The following VIT variants were observed in gnomAD, a reference collection of about 807,000 sequenced individuals.
VIT encodes the protein vitrin.
A neutral mutation model predicts 78.0 loss-of-function variants in VIT; 99 were observed. That is an observed-to-expected ratio of 1.27 (90% CI 1.08 to 1.50). The LOEUF is 1.50. VIT is among the 40% of genes most tolerant of loss of function. The pLI, the probability that VIT is intolerant of heterozygous loss-of-function variation, is 0.00. For missense variants in VIT, 1,126 were observed against 875.3 expected (o/e 1.29, Z -3.61); for synonymous variants, 374 against 334.3 (o/e 1.12, Z -1.29).
At chr2:36,783,290 A>G (rs1664881940) in intron 10 of VIT, 50 bp from the exon 11 acceptor site, 1 of 1,601,516 alleles carries the variant, frequency 6.2e-7, no homozygotes, top group Non-Finnish European at 8.5e-7. Context: ...GGGTAAGGCC[A>G]GCTGCTTCCT....
chr2:36,711,998 G>C (rs10197992), intron 1 of VIT, among the ~76,000 whole-genome samples: 17,944 of 152,142 alleles, frequency 0.12, 1,528 homozygotes, highest in South Asian at 0.26. Flanking sequence ...TTCAGTTTTT[G>C]TTAGAACCCG....
chr2:36,808,977 A>G lies in VIT; in HGVS notation c.1895A>G (p.His632Arg), dbSNP rs138693084. The change falls in exon 15 of 16, where the codon CAT (histidine) becomes CGT (arginine). Residue 632 changes from histidine (H) to arginine (R), a missense_variant. Coordinates refer to ENST00000379242, the MANE Select transcript of VIT (RefSeq NM_053276.4). ...DDVRIPAMAA[H>R]LKGVITYAIG... is the part of the protein sequence containing the mutation. ...GTCCGGATCCCAGCCATGGCTGCCCATCTGAAGGGTAAGCTGGGCTTGCCA... is the reference window on the plus strand; with the variant it reads ...GTCCGGATCCCAGCCATGGCTGCCCGTCTGAAGGGTAAGCTGGGCTTGCCA... 13 of 1,582,556 alleles carry G rather than the reference A, an allele frequency of 8.2e-6. No individual in the cohort carries two copies. In the African/African-American group the frequency reaches 1.5e-4, roughly 18 times the overall value.
intron 1 of VIT, among the ~76,000 whole-genome samples, chr2:36,705,620 C>A (rs940094892): frequency 6.6e-6 from 1 of 152,212 alleles, no homozygotes; most frequent in Middle Eastern, 3.2e-3. Flanking sequence ...CCCCACCCAA[C>A]TGCCCATGAG....
In VIT at chr2:36,814,623, C is replaced by A; in HGVS notation, c.*262C>A. The A allele has an allele frequency of 2.3e-6, 1 of 441,812 alleles. No homozygotes were observed. The highest frequency in any genetic ancestry group is 4.5e-5 in the South Asian group (1 of 22,240). 27.4% of individuals were successfully genotyped at this position (441,812 alleles called of 1,614,324 possible). Reference sequence around the variant, plus strand: ...GATTTTACATTTTGACAATTGTTTTCAAAATAAATGTTCGGAATACAGTGC... The same window carrying A: ...GATTTTACATTTTGACAATTGTTTTAAAAATAAATGTTCGGAATACAGTGC... On this transcript the variant is annotated 3_prime_UTR_variant, in exon 16 of 16. Transcript: ENST00000379242.
chr2:36,740,302 G>A (rs13411239), intron 3 of VIT, among the ~76,000 whole-genome samples: 23,451 of 152,132 alleles, frequency 0.15, 1,941 homozygotes, highest in South Asian at 0.26. Flanking sequence ...AGATTCTTTG[G>A]CTGTTACAAG....
At chr2:36,773,960 A>C in intron 8 of VIT, 113 bp downstream of exon 8, 1 of 1,068,082 alleles carries the variant, frequency 9.4e-7, no homozygotes, top group Non-Finnish European at 1.3e-6. Context: ...CTATTAAACC[A>C]CTTAGGCCAA....
At chr2:36,752,450 G>A (rs1281818728) in intron 4 of VIT, among the ~76,000 whole-genome samples, 1 of 152,180 alleles carries the variant, frequency 6.6e-6, no homozygotes, top group East Asian at 1.9e-4. Flanking sequence ...GGGAGGAGGT[G>A]AACATCAAGG....
intron 4 of VIT, among the ~76,000 whole-genome samples, chr2:36,749,014 A>G (rs965213808): frequency 1.3e-5 from 2 of 152,192 alleles, no homozygotes; most frequent in African/African-American, 2.4e-5. Flanking sequence ...TGGAGGGATG[A>G]CTTGGAAGTC....
chr2:36,715,966 T>C (rs1480798708), intron 1 of VIT, among the ~76,000 whole-genome samples: 1 of 152,244 alleles, frequency 6.6e-6, no homozygotes, highest in Non-Finnish European at 1.5e-5. Context: ...TAAATATTTA[T>C]CGAATGAATA....
rs1302575854 is a variant in VIT at position 36,801,775 on chromosome 2, G to GAA, written c.1162+386_1162+387dup. On this transcript the variant is annotated intron_variant, in intron 13 of 15. Transcript: ENST00000379242. ...TGGGTGGCAGAGCGAGACTCCATCTGAAAAAAAAAAAAAAAAGGACAAAGA... is the reference window on the plus strand; with the variant it reads ...TGGGTGGCAGAGCGAGACTCCATCTGAAAAAAAAAAAAAAAAAAGGACAAAGA... Among the ~76,000 whole-genome samples the GAA allele has an allele frequency of 1.4e-3, 205 of 141,728 alleles. 2 individuals carry two copies. The highest frequency in any genetic ancestry group is 3.7e-3 in the Admixed American group (53 of 14,372). 93.0% of individuals were successfully genotyped at this position (141,728 alleles called of 152,430 possible).
chr2:36,805,804 T>A (rs542418992), intron 14 of VIT, 140 bp downstream of exon 14: 4 of 897,190 alleles, frequency 4.5e-6, no homozygotes, highest in Admixed American at 3.0e-5. Context: ...AGGGAGGGAC[T>A]GGTCAATCCG....
In VIT at chr2:36,716,296, A is replaced by C. The variant is rs1666130518; in HGVS notation, c.-18-57A>C. 16 of 1,458,876 alleles carry C rather than the reference A, an allele frequency of 1.1e-5. No homozygotes were observed. In the South Asian group the frequency reaches 1.7e-4, roughly 16 times the overall value. The allele number at this position is 1,458,876 out of a possible 1,614,324, so 90.4% of individuals were successfully genotyped here. ...CAGTCTATCCCCACACACTCTGTGC[A>C]TCCAAATCAGAACCCCCGGCTGAAA... On this transcript the variant is annotated intron_variant, in intron 1 of 15. Coordinates refer to ENST00000379242, the MANE Select transcript of VIT (RefSeq NM_053276.4).
At chr2:36,756,592 G>C (rs1365293417) in intron 5 of VIT, among the ~76,000 whole-genome samples, 1 of 152,086 alleles carries the variant, frequency 6.6e-6, no homozygotes, top group Non-Finnish European at 1.5e-5. Context: ...TTCTCAACTT[G>C]AGCAATCCAT....
At chr2:36,707,810 C>G (rs1044036744) in intron 1 of VIT, among the ~76,000 whole-genome samples, 1 of 151,878 alleles carries the variant, frequency 6.6e-6, no homozygotes, top group African/African-American at 2.4e-5. Flanking sequence ...CAAAATTTCC[C>G]CTGCCTTCCT....
intron 1 of VIT, among the ~76,000 whole-genome samples, chr2:36,708,458 C>G (rs988676708): frequency 6.6e-6 from 1 of 152,104 alleles, no homozygotes. Context: ...TTTTTCCAAG[C>G]GAGTGGCTCA....
chr2:36,805,671 G>T lies in VIT; in HGVS notation c.1389+7G>T. The T allele has an allele frequency of 6.2e-7, 1 of 1,610,726 alleles. No individual in the cohort carries two copies. The highest frequency in any genetic ancestry group is 1.1e-5 in the South Asian group (1 of 90,768). On this transcript the variant is annotated splice_region_variant and intron_variant, in intron 14 of 15. Coordinates refer to ENST00000379242, the MANE Select transcript of VIT (RefSeq NM_053276.4). ...GCCCAACTTTGCAAACAAGGTAGAT[G>T]ACTGCCCGGAGACCTACCCAACATC... is the stretch of plus-strand genomic sequence containing the variant.
chr2:36,742,414 G>A (rs142423954), intron 3 of VIT, among the ~76,000 whole-genome samples: 79 of 152,254 alleles, frequency 5.2e-4, no homozygotes, highest in African/African-American at 1.8e-3. Flanking sequence ...TCCATCAAGC[G>A]TTCAGGCAGA....
intron 6 of VIT, among the ~76,000 whole-genome samples, chr2:36,765,379 G>A (rs1310878809): frequency 6.6e-6 from 1 of 151,102 alleles, no homozygotes; most frequent in Non-Finnish European, 1.5e-5. Flanking sequence ...AATCATGGCA[G>A]AAGGGGAAGC....
chr2:36,758,945 GTTTTT>G lies in VIT; in HGVS notation c.410-18_410-14del. 8 of 1,393,236 alleles carry G rather than the reference GTTTTT, an allele frequency of 5.7e-6. No homozygotes were observed. The highest frequency in any genetic ancestry group is 7.9e-6 in the Non-Finnish European group (8 of 1,016,928). 86.3% of individuals were successfully genotyped at this position (1,393,236 alleles called of 1,614,324 possible). A position where few individuals can be genotyped will look rare whatever the true frequency, so the allele number is the denominator to read the frequency against. ...ACCTCTAGCTCTAGAAATAAATCTC[GTTTTT>G]TTTTTCTCTTTTTTGCAGAAAGTAA... On this transcript the variant is annotated intron_variant, in intron 5 of 15. Transcript: ENST00000379242.
Sources: gnomAD v4.1 joint callset for allele counts (sites outside exome capture counted in the v4.1 genomes callset) on GRCh38, gnomAD v4.1.1 for gene constraint, MANE v1.5 for transcripts, NCBI Gene and HGNC (gene_info 2026-07-23, HGNC 2026-07-21) for gene names.